The following PDZRN4 variants were observed in gnomAD, a reference collection of about 807,000 sequenced individuals.
The protein encoded by PDZRN4 is PDZ domain-containing RING finger protein 4.
Under a neutral mutation model 99.0 loss-of-function variants are expected in PDZRN4, and 70 were observed. The observed-to-expected ratio is 0.71, with a 90% CI of 0.58 to 0.86. PDZRN4 has a LOEUF of 0.86. PDZRN4 is among the 40% of genes least tolerant of loss of function. The pLI is 0.00. For synonymous variants in PDZRN4, 551 were observed against 501.6 expected (o/e 1.10, Z -1.32); for missense variants, 1,474 against 1,331.2 (o/e 1.11, Z -1.67).
intron 7 of PDZRN4, among the ~76,000 whole-genome samples, chr12:41,561,293 C>G (rs1939264688): frequency 6.6e-6 from 1 of 152,006 alleles, no homozygotes; most frequent in East Asian, 1.9e-4. Flanking sequence ...CTTGTCTTTA[C>G]TAAGGATTAA....
intron 3 of PDZRN4, among the ~76,000 whole-genome samples, chr12:41,294,139 AC>A (rs1951474515): frequency 6.6e-6 from 1 of 152,090 alleles, no homozygotes; most frequent in Admixed American, 6.6e-5. Flanking sequence ...CAAAATATTC[AC>A]CTTAAACTTT....
At chr12:41,548,670 TGC>T (rs2120788536) in intron 5 of PDZRN4, among the ~76,000 whole-genome samples, 1 of 152,332 alleles carries the variant, frequency 6.6e-6, no homozygotes, top group African/African-American at 2.4e-5. Flanking sequence ...AGAACAATGC[TGC>T]TTAAAAAGCC....
intron 3 of PDZRN4, among the ~76,000 whole-genome samples, chr12:41,287,127 A>G (rs1453089845): frequency 6.6e-6 from 1 of 152,160 alleles, no homozygotes; most frequent in Non-Finnish European, 1.5e-5. Context: ...AAATCATTCA[A>G]AAATCTTCTA....
rs1033919344 is a variant in PDZRN4, at chr12:41,188,379, G to T, written c.-77G>T. Reference sequence around the variant, plus strand: ...CGCCGCCGCGAGACGGCTGCCCCGGGGGTGGCCCGGGGAAGGCAGGGGGGC... The same window carrying T: ...CGCCGCCGCGAGACGGCTGCCCCGGTGGTGGCCCGGGGAAGGCAGGGGGGC... On this transcript the variant is annotated 5_prime_UTR_variant, in exon 1 of 10. Transcript: ENST00000402685. 1 of 1,361,958 alleles carries T rather than the reference G, an allele frequency of 7.3e-7. No homozygotes were observed. Among genetic ancestry groups the T allele is most frequent in the South Asian group, 1.5e-5 (1 of 66,528 alleles). The allele number at this position is 1,361,958 out of a possible 1,614,324, so 84.4% of individuals were successfully genotyped here. A position where few individuals can be genotyped will look rare whatever the true frequency, so the allele number is the denominator to read the frequency against.
intron 3 of PDZRN4, among the ~76,000 whole-genome samples, chr12:41,279,052 A>G (rs1007756153): frequency 6.6e-6 from 1 of 152,190 alleles, no homozygotes; most frequent in Non-Finnish European, 1.5e-5. Context: ...AAAAATAACG[A>G]TGTGCTAGGA....
chr12:41,197,517 A>G (rs988738699), intron 3 of PDZRN4, among the ~76,000 whole-genome samples: 9 of 152,166 alleles, frequency 5.9e-5, no homozygotes, highest in Admixed American at 2.6e-4. Flanking sequence ...TTGTTAAACT[A>G]TTTATGCTTG....
intron 3 of PDZRN4, among the ~76,000 whole-genome samples, chr12:41,437,491 CAG>C (rs1400210751): frequency 6.6e-6 from 1 of 151,630 alleles, no homozygotes; most frequent in Non-Finnish European, 1.5e-5. Context: ...CCTTAATAAA[CAG>C]AGATGGTATT....
intron 3 of PDZRN4, among the ~76,000 whole-genome samples, chr12:41,463,700 G>A (rs1952895313): frequency 6.6e-6 from 1 of 152,140 alleles, no homozygotes; most frequent in Admixed American, 6.5e-5. Flanking sequence ...AAGGTGCCCT[G>A]TGATACATTT....
intron 3 of PDZRN4, among the ~76,000 whole-genome samples, chr12:41,229,237 C>T (rs182502249): frequency 1.6e-4 from 25 of 151,762 alleles, no homozygotes; most frequent in Middle Eastern, 3.4e-3. Context: ...TAATGGACCA[C>T]GCAAAATATG....
intron 3 of PDZRN4, among the ~76,000 whole-genome samples, chr12:41,473,055 A>T (rs1481480701): frequency 6.6e-6 from 1 of 152,124 alleles, no homozygotes; most frequent in African/African-American, 2.4e-5. Flanking sequence ...AGAAGTTGGG[A>T]GTCACTTTAG....
intron 3 of PDZRN4, among the ~76,000 whole-genome samples, chr12:41,487,990 G>T (rs954173664): frequency 6.6e-5 from 10 of 152,138 alleles, no homozygotes; most frequent in African/African-American, 2.2e-4. Context: ...GAATGAATAA[G>T]CAATGAGTCT....
chr12:41,206,524 T>G (rs957280901), intron 3 of PDZRN4, among the ~76,000 whole-genome samples: 2 of 151,106 alleles, frequency 1.3e-5, no homozygotes, highest in Non-Finnish European at 3.0e-5. Context: ...ATTTATTAAT[T>G]AAGCTTAATT....
At chr12:41,270,048 G>A (rs904844875) in intron 3 of PDZRN4, among the ~76,000 whole-genome samples, 1 of 152,142 alleles carries the variant, frequency 6.6e-6, no homozygotes, top group East Asian at 1.9e-4. Flanking sequence ...TGGTAAAGTG[G>A]ACTGAGTTAG....
intron 3 of PDZRN4, among the ~76,000 whole-genome samples, chr12:41,345,871 G>A (rs1951849441): frequency 6.6e-6 from 1 of 151,976 alleles, no homozygotes. Context: ...TATTTATTTT[G>A]AAAGGGTATG....
intron 8 of PDZRN4, among the ~76,000 whole-genome samples, chr12:41,567,380 G>A (rs1388969880): frequency 6.6e-6 from 1 of 152,220 alleles, no homozygotes; most frequent in East Asian, 1.9e-4. Flanking sequence ...CTCGTTGGGG[G>A]TTGTTGTTAA....
chr12:41,338,833 A>C (rs552592107), intron 3 of PDZRN4, among the ~76,000 whole-genome samples: 3 of 152,160 alleles, frequency 2.0e-5, no homozygotes, highest in Non-Finnish European at 4.4e-5. Flanking sequence ...ATCTTTCATC[A>C]AAAAAATCCC....
intron 3 of PDZRN4, among the ~76,000 whole-genome samples, chr12:41,303,744 A>T (rs1951551960): frequency 6.6e-6 from 1 of 152,184 alleles, no homozygotes; most frequent in South Asian, 2.1e-4. Flanking sequence ...TGTCCACCAA[A>T]GGCTGGTTGC....
rs183886568 is a variant in PDZRN4 at position 41,316,971 on chromosome 12, A to G, written c.843+122783A>G. Among the ~76,000 whole-genome samples the G allele has an allele frequency of 3.3e-3, 489 of 148,064 alleles. 7 individuals are homozygous for G. Among genetic ancestry groups the G allele is most frequent in the African/African-American group, 0.012 (471 of 40,830 alleles). On this transcript the variant is annotated intron_variant, in intron 3 of 9. Coordinates refer to ENST00000402685, the MANE Select transcript of PDZRN4 (RefSeq NM_001164595.2). ...GTAGAAAAGCTTTTAATCATCAAGC[A>G]CCCAATGTCACTTGCTCTTTTTGGG...
At chr12:41,308,593 T>C (rs1320830644) in intron 3 of PDZRN4, among the ~76,000 whole-genome samples, 1 of 152,176 alleles carries the variant, frequency 6.6e-6, no homozygotes, top group Non-Finnish European at 1.5e-5. Flanking sequence ...ATAAATCTCA[T>C]ATTGTCAACT....
Sources: gnomAD v4.1 joint callset for allele counts (sites outside exome capture counted in the v4.1 genomes callset) on GRCh38, gnomAD v4.1.1 for gene constraint, MANE v1.5 for transcripts, NCBI Gene and HGNC (gene_info 2026-07-23, HGNC 2026-07-21) for gene names.